DNM2: variants seen among roughly 807,000 people sequenced by gnomAD.
DNM2 encodes the protein dynamin-2.
In DNM2, 15 loss-of-function variants were observed where a neutral mutation model predicts 99.0. The ratio of observed to expected loss-of-function variants is 0.15; its 90% CI spans 0.10 to 0.23. The LOEUF is 0.23. Among genes scored for constraint, DNM2 ranks in the 10% least tolerant of loss-of-function variants. DNM2 has a pLI of 1.00. For missense variants in DNM2, 742 were observed against 1,189.4 expected (o/e 0.62, Z 5.53); for synonymous variants, 525 against 481.2 (o/e 1.09, Z -1.19).
chr19:10,783,247 A>G lies in DNM2; in HGVS notation c.849+127A>G, dbSNP rs1043850133. 4.2e-6 allele frequency: 6 copies of G among 1,422,370 alleles called. No homozygotes were observed. The African/African-American group carries it at 5.6e-5, about 13-fold the overall frequency. 88.1% of individuals were successfully genotyped at this position (1,422,370 alleles called of 1,614,324 possible). ...TTTTAGCAAAATGGGTTCAGTCCACATTTAGCCTAGGAGTTTGAGACCAGT... is the reference window on the plus strand; with the variant it reads ...TTTTAGCAAAATGGGTTCAGTCCACGTTTAGCCTAGGAGTTTGAGACCAGT... On this transcript the variant is annotated intron_variant, in intron 6 of 20. Transcript: ENST00000389253.
At chr19:10,804,821 C>G (rs1009115275) in intron 12 of DNM2, among the ~76,000 whole-genome samples, 16 of 152,184 alleles carry the variant, frequency 1.1e-4, no homozygotes, top group African/African-American at 3.6e-4. Context: ...AAACAGAAGC[C>G]TACTTTCTCC....
intron 17 of DNM2, chr19:10,824,611 C>G (rs776960902): frequency 1.4e-5 from 3 of 215,852 alleles, no homozygotes; most frequent in Non-Finnish European, 2.8e-5. Flanking sequence ...TCGAAAACAG[C>G]CTGGGCAATG....
intron 1 of DNM2, among the ~76,000 whole-genome samples, chr19:10,750,404 G>A (rs562663411): frequency 1.3e-5 from 2 of 151,982 alleles, no homozygotes; most frequent in East Asian, 3.9e-4. Flanking sequence ...ACTAGGGTCC[G>A]GGAGTTCAAG....
intron 1 of DNM2, among the ~76,000 whole-genome samples, chr19:10,726,037 G>A (rs1346000903): frequency 6.6e-6 from 1 of 151,978 alleles, no homozygotes; most frequent in Non-Finnish European, 1.5e-5. Context: ...TGGCCAACAT[G>A]GTGAAACCCT....
chr19:10,790,418 G>A (rs1027937563), intron 7 of DNM2, among the ~76,000 whole-genome samples: 6 of 152,258 alleles, frequency 3.9e-5, no homozygotes, highest in East Asian at 1.9e-4. Context: ...AGGAACATAC[G>A]TGTTTAAAAT....
chr19:10,749,987 G>C lies in DNM2; in HGVS notation c.162-9751G>C, dbSNP rs907326206. ...AACTCAGAGGAGGCAGGTGCAGGGG[G>C]TGGGGCTGGGGAACCCGGTCAGCAC... On this transcript the variant is annotated intron_variant, in intron 1 of 20. Transcript: ENST00000389253. Among the ~76,000 whole-genome samples the C allele has an allele frequency of 2.0e-5, 3 of 152,362 alleles. No individual in the cohort carries two copies. In the East Asian group the frequency reaches 5.8e-4, roughly 29 times the overall value.
intron 13 of DNM2, 76 bp downstream of exon 13, chr19:10,806,043 T>C: frequency 6.3e-7 from 1 of 1,592,726 alleles, no homozygotes; most frequent in Non-Finnish European, 8.6e-7. Context: ...GCCCCCGTGA[T>C]GGAGCTCGGC....
intron 1 of DNM2, among the ~76,000 whole-genome samples, chr19:10,727,914 G>T (rs942134102): frequency 2.7e-4 from 41 of 152,122 alleles, no homozygotes; most frequent in Non-Finnish European, 4.7e-4. Context: ...AGCCCTTATT[G>T]TGTTAAAGCT....
Position 10,802,358 on chromosome 19 carries a change from A to C in DNM2, c.1493A>C (p.Asn498Thr), listed in dbSNP as rs886054140. ...TNHEDFIGFANAQQRSTQLNK... is the reference protein window; with the variant it reads ...TNHEDFIGFATAQQRSTQLNK... ...CATGAGGACTTCATCGGGTTTGCCA[A>C]GTAGGTACTTTTAGAGACTGGCTGG... is the stretch of plus-strand genomic sequence containing the variant. Residue 498 changes from asparagine (N) to threonine (T), a missense_variant and splice_region_variant, in exon 12 of 21, where the codon AAT becomes ACT. Asn to Thr is a moderately conservative substitution (Grantham distance 65). Transcript: ENST00000389253. The C allele has an allele frequency of 6.2e-7, 1 of 1,614,156 alleles. No individual in the cohort carries two copies. The highest frequency in any genetic ancestry group is 8.5e-7 in the Non-Finnish European group (1 of 1,180,030).
intron 1 of DNM2, among the ~76,000 whole-genome samples, chr19:10,735,848 C>G (rs999732264): frequency 6.6e-6 from 1 of 152,090 alleles, no homozygotes; most frequent in Non-Finnish European, 1.5e-5. Flanking sequence ...ATCCTTTCTC[C>G]CTAAAGTTGC....
At chr19:10,814,145 G>A (rs138280695) in intron 15 of DNM2, among the ~76,000 whole-genome samples, 189 of 152,224 alleles carry the variant, frequency 1.2e-3, no homozygotes, top group Non-Finnish European at 2.1e-3. Flanking sequence ...TCCAGCCTGG[G>A]CGACAGAGTG....
At chr19:10,756,846 C>T (rs975560882) in intron 1 of DNM2, among the ~76,000 whole-genome samples, 2 of 152,116 alleles carry the variant, frequency 1.3e-5, no homozygotes, top group African/African-American at 2.4e-5. Context: ...CACTGGCCTC[C>T]GTACCCCTGC....
chr19:10,718,371 C>G lies in DNM2; in HGVS notation c.129C>G (p.Gly43=). 3 of 1,521,672 alleles carry G rather than the reference C, an allele frequency of 2.0e-6. No homozygotes were observed. Among genetic ancestry groups the G allele is most frequent in the Admixed American group, 2.1e-5 (1 of 48,146 alleles). The allele number at this position is 1,521,672 out of a possible 1,614,324, so 94.3% of individuals were successfully genotyped here. Reference sequence around the variant, plus strand: ...CTGTAGTGGGCGGCCAGAGCGCCGGCAAGAGCTCGGTGCTGGAGAACTTCG... The same window carrying G: ...CTGTAGTGGGCGGCCAGAGCGCCGGGAAGAGCTCGGTGCTGGAGAACTTCG... ...QIAVVGGQSA[G]KSSVLENFVG... Residue 43 remains glycine, a synonymous_variant, in exon 1 of 21, where the codon GGC becomes GGG. Transcript: ENST00000389253.
At chr19:10,800,917 GCGTGCA>G (rs1240076965) in intron 11 of DNM2, among the ~76,000 whole-genome samples, 3 of 152,250 alleles carry the variant, frequency 2.0e-5, no homozygotes, top group Admixed American at 1.3e-4. Context: ...GTGTGTGCGC[GCGTGCA>G]CGTGCACGTG....
At chr19:10,819,500 G>A (rs764902788) in intron 15 of DNM2, among the ~76,000 whole-genome samples, 7 of 152,146 alleles carry the variant, frequency 4.6e-5, no homozygotes, top group African/African-American at 1.7e-4. Context: ...TGTGTTGTGC[G>A]TGCCGTCAGC....
At chr19:10,788,587 C>T (rs969449565) in intron 7 of DNM2, among the ~76,000 whole-genome samples, 1 of 152,202 alleles carries the variant, frequency 6.6e-6, no homozygotes, top group African/African-American at 2.4e-5. Context: ...GGGTGGGAGC[C>T]AGACCTTGGC....
rs546063780 is a variant in DNM2, at chr19:10,753,001, G to C, written c.162-6737G>C. 8.5e-4 allele frequency among the ~76,000 whole-genome samples: 129 copies of C among 152,280 alleles called. 1 individual carries two copies. Among genetic ancestry groups the C allele is most frequent in the Non-Finnish European group, 1.3e-3 (86 of 68,034 alleles). On this transcript the variant is annotated intron_variant, in intron 1 of 20. Transcript: ENST00000389253. The stretch of plus-strand genomic sequence containing the variant: ...AAACTTAAGGTGGTGGTGGGTACCT[G>C]TGATCCCAGCTACTTGGGAGGCTGA...
Position 10,825,692 on chromosome 19 carries a change from G to GAGAGAGAA in DNM2, c.2058+472_2058+473insGAGAGAAA, listed in dbSNP as rs796576513. On this transcript the variant is annotated intron_variant, in intron 18 of 20. Transcript: ENST00000389253. ...TCAAGAAAAGAGAGAGAGAGAGAGAGAAAAATACAAAAAGTAGCCGGGCAT... is the reference window on the plus strand; with the variant it reads ...TCAAGAAAAGAGAGAGAGAGAGAGAGAGAGAGAAAAAAATACAAAAAGTAGCCGGGCAT... 2.2e-3 allele frequency among the ~76,000 whole-genome samples: 325 copies of GAGAGAGAA among 148,128 alleles called. 3 individuals are homozygous for GAGAGAGAA. The highest frequency in any genetic ancestry group is 7.7e-3 in the African/African-American group (311 of 40,238).
Position 10,786,710 on chromosome 19 carries a change from T to C in DNM2, c.992+4T>C, listed in dbSNP as rs1225723240. 1 of 1,613,922 alleles carries C rather than the reference T, an allele frequency of 6.2e-7. No homozygotes were observed. The highest frequency in any genetic ancestry group is 1.1e-5 in the South Asian group (1 of 91,076). ...GCAAAACCAAAGCCCTGCTGCAGTA[T>C]GTACCCCGGCACCCACCACCACCAC... On this transcript the variant is annotated splice_donor_region_variant and intron_variant, in intron 7 of 20. Transcript: ENST00000389253.
Sources: gnomAD v4.1 joint callset for allele counts (sites outside exome capture counted in the v4.1 genomes callset) on GRCh38, gnomAD v4.1.1 for gene constraint, MANE v1.5 for transcripts, NCBI Gene and HGNC (gene_info 2026-07-23, HGNC 2026-07-21) for gene names.